Variants in MMP28 observed in about 807,000 individuals in gnomAD.
MMP28 encodes matrix metallopeptidase 28, also known as matrix metalloproteinase-28.
In MMP28, 55 loss-of-function variants were observed where a neutral mutation model predicts 60.5. The ratio of observed to expected loss-of-function variants is 0.91; its 90% CI spans 0.73 to 1.14. MMP28 has a LOEUF of 1.14. MMP28 is among the 50% of genes most tolerant of loss of function. MMP28 has a pLI of 0.00. For missense variants in MMP28, 686 were observed against 738.3 expected, an observed-to-expected ratio of 0.93 and a Z score of 0.82; for synonymous variants, 318 against 312.5, an observed-to-expected ratio of 1.02 and a Z score of -0.18.
downstream of MMP28, chr17:35,764,480 G>T: frequency 6.4e-7 from 1 of 1,569,436 alleles, no homozygotes; most frequent in Non-Finnish European, 8.6e-7. Flanking sequence ...GACGACCGCC[G>T]CGCCGCGGGG....
chr17:35,793,616 T>C (rs1468125514), intron 1 of MMP28, among the ~76,000 whole-genome samples: 1 of 152,106 alleles, frequency 6.6e-6, no homozygotes. Flanking sequence ...AGCTGGGTGA[T>C]GGAAGGATGA....
In MMP28 at chr17:35,779,255, G is replaced by A. The variant is rs747185425; in HGVS notation, c.180C>T (p.Ser60=). ...VPKAPTSTRF[S]DAIRAFQWVS... is the part of the protein sequence containing the mutation. ...TCCCTCCACCCTACCTGATGGCATC[G>A]CTGAATCGAGTGGAGGTGGGAGCTT... is the stretch of plus-strand genomic sequence containing the variant. Residue 60 remains serine (S), a synonymous_variant, in exon 2 of 8, where the codon AGC becomes AGT. Transcript: ENST00000605424. 51 of 1,612,230 alleles carry A rather than the reference G, an allele frequency of 3.2e-5. No homozygotes were observed. Among genetic ancestry groups the A allele is most frequent in the African/African-American group, 1.3e-4 (10 of 74,878 alleles).
At chr17:35,760,767 A>G in intron 2 of MMP28, 1 of 708,296 alleles carries the variant, frequency 1.4e-6, no homozygotes, top group Non-Finnish European at 2.5e-6. Flanking sequence ...GTGCTTTGGG[A>G]GGCTCTGGAA....
rs1459724865 is a variant in MMP28, at chr17:35,766,342, C to T, written c.*158G>A. 2 of 1,418,754 alleles carry T rather than the reference C, an allele frequency of 1.4e-6. No homozygotes were observed. The highest frequency in any genetic ancestry group is 1.8e-6 in the Non-Finnish European group (2 of 1,089,198). The allele number at this position is 1,418,754 out of a possible 1,614,324, so 87.9% of individuals were successfully genotyped here. On this transcript the variant is annotated 3_prime_UTR_variant, in exon 8 of 8. Transcript: ENST00000605424. This position sits in a 1 kb window ranked among gnomAD's most constrained non-coding sequence, Gnocchi z 4.3. ...GGACAGACAAAGACAATGCTGCATT[C>T]TTCAAGGAACAAAGGCAGACAGACT...
In MMP28 at chr17:35,766,621, C is replaced by CGGAAGA; in HGVS notation, c.1436_1441dup (p.Phe480_Arg481insLeuPhe). ...GTCGAGGCGCCAGTAGCGGTCATCT[C>CGGAAGA]GGAAGAAGATGATGGAGCCATCGGG... On this transcript the variant is annotated inframe_insertion, in exon 8 of 8. Coordinates refer to ENST00000605424, the MANE Select transcript of MMP28 (RefSeq NM_024302.5). This position sits in a 1 kb window ranked among gnomAD's most constrained non-coding sequence, Gnocchi z 4.3. 1 of 1,612,702 alleles carries CGGAAGA rather than the reference C, an allele frequency of 6.2e-7. No homozygotes were observed. The highest frequency in any genetic ancestry group is 2.2e-5 in the East Asian group (1 of 44,872).
At chr17:35,771,749 ATAT>A in intron 4 of MMP28, among the ~76,000 whole-genome samples, 1 of 89,536 alleles carries the variant, frequency 1.1e-5, no homozygotes, top group Non-Finnish European at 2.1e-5. Flanking sequence ...ATATATATAT[ATAT>A]ATAAAATTGT....
At chr17:35,769,424 C>T (rs1314196335) in intron 5 of MMP28, among the ~76,000 whole-genome samples, 1 of 152,186 alleles carries the variant, frequency 6.6e-6, no homozygotes, top group African/African-American at 2.4e-5. Context: ...AGGGAAAATG[C>T]CCAAGAGCAT....
In MMP28 at chr17:35,768,381, T is replaced by C; in HGVS notation, c.851-2A>G. The C allele has an allele frequency of 2.5e-6, 4 of 1,595,038 alleles. No individual in the cohort carries two copies. Among genetic ancestry groups the C allele is most frequent in the Non-Finnish European group, 3.4e-6 (4 of 1,172,776 alleles). ...CCACTGAGCCCCCTAGGGGCTTCCCTTTGTGAGTAAGGAAATAAGAGAGAG... is the reference window on the plus strand; with the variant it reads ...CCACTGAGCCCCCTAGGGGCTTCCCCTTGTGAGTAAGGAAATAAGAGAGAG... On this transcript the variant is annotated splice_acceptor_variant, in intron 5 of 7. Coordinates refer to ENST00000605424, the MANE Select transcript of MMP28 (RefSeq NM_024302.5). LOFTEE classifies it high-confidence loss of function.
rs577597937 is a variant in MMP28 at position 35,776,318 on chromosome 17, C to T, written c.379+2570G>A. ...TCCCGAGTATCTGGGATTACAGGTG[C>T]GTGCCACCACACCAGGCTAATTACT... On this transcript the variant is annotated intron_variant, in intron 3 of 7. Coordinates refer to ENST00000605424, the MANE Select transcript of MMP28 (RefSeq NM_024302.5). Among the ~76,000 whole-genome samples, 52 of 151,844 alleles carry T rather than the reference C, an allele frequency of 3.4e-4. 1 individual carries two copies. Among genetic ancestry groups the T allele is most frequent in the African/African-American group, 1.2e-3 (48 of 41,402 alleles).
chr17:35,768,894 G>A (rs1394386191), intron 5 of MMP28, among the ~76,000 whole-genome samples: 1 of 152,194 alleles, frequency 6.6e-6, no homozygotes, highest in East Asian at 1.9e-4. Flanking sequence ...CCAACATCCT[G>A]GGACAGAGGA....
intron 6 of MMP28, 82 bp downstream of exon 6, chr17:35,768,145 TCCC>T: frequency 6.8e-7 from 1 of 1,478,746 alleles, no homozygotes; most frequent in East Asian, 2.3e-5. Flanking sequence ...TTACAGTCCA[TCCC>T]CCCAACTTGT....
downstream of MMP28, chr17:35,764,133 C>A: frequency 6.5e-7 from 1 of 1,549,518 alleles, no homozygotes; most frequent in Non-Finnish European, 8.7e-7. Flanking sequence ...GAGGACAGCG[C>A]GACGGAGGGC....
Position 35,768,375 on chromosome 17 carries a change from C to A in MMP28, c.855G>T (p.Lys285Asn), listed in dbSNP as rs761885135. The change falls in exon 6 of 8, where the codon AAG becomes AAT. Residue 285 changes from lysine to asparagine, a missense_variant. Lys to Asn is a moderately conservative substitution (Grantham distance 94). Coordinates refer to ENST00000605424, the MANE Select transcript of MMP28 (RefSeq NM_024302.5). Reference sequence around the variant, plus strand: ...GGACGGCCACTGAGCCCCCTAGGGGCTTCCCTTTGTGAGTAAGGAAATAAG... The same window carrying A: ...GGACGGCCACTGAGCCCCCTAGGGGATTCCCTTTGTGAGTAAGGAAATAAG... The part of the protein sequence containing the change: ...DVLAVQSLYG[K>N]PLGGSVAVQL... The A allele has an allele frequency of 6.2e-7, 1 of 1,600,062 alleles. No homozygotes were observed. The highest frequency in any genetic ancestry group is 1.1e-5 in the South Asian group (1 of 89,968).
chr17:35,782,170 G>C (rs2086525721), intron 1 of MMP28, among the ~76,000 whole-genome samples: 1 of 151,030 alleles, frequency 6.6e-6, no homozygotes, highest in Non-Finnish European at 1.5e-5. Context: ...TCCTGCCTCA[G>C]CCTCCCGAGT....
chr17:35,793,108 C>T (rs912028705), intron 1 of MMP28, among the ~76,000 whole-genome samples: 3 of 152,170 alleles, frequency 2.0e-5, no homozygotes, highest in African/African-American at 7.2e-5. Flanking sequence ...CATATAGAGA[C>T]ACGTACACAC....
chr17:35,778,757 C>CACCCACTCCTCCCGTGCCCTAGGGA, intron 3 of MMP28, 131 bp downstream of exon 3: 3 of 1,552,282 alleles, frequency 1.9e-6, no homozygotes. Context: ...AGGTCCTATT[C>CACCCACTCCTCCCGTGCCCTAGGGA]ACCCACTCCT....
intron 7 of MMP28, 120 bp downstream of exon 7, chr17:35,767,632 A>G (rs2085985470): frequency 1.7e-6 from 2 of 1,208,518 alleles, no homozygotes; most frequent in Non-Finnish European, 2.3e-6. Context: ...TTCAGATTGG[A>G]ATGGAGACTC....
chr17:35,764,039 G>A (rs1458183735), downstream of MMP28: 1 of 1,548,362 alleles, frequency 6.5e-7, no homozygotes, highest in Non-Finnish European at 8.7e-7. Context: ...GAAGGAAACG[G>A]AAGAGCTCCG....
At position 35,766,519 on chromosome 17, in the gene MMP28, G is replaced by T. The variant is rs760538429; in HGVS notation, c.1544C>A (p.Ser515Ter). The T allele has an allele frequency of 2.1e-5, 34 of 1,596,272 alleles. No individual in the cohort carries two copies. Among genetic ancestry groups the T allele is most frequent in the Non-Finnish European group, 2.6e-5 (31 of 1,170,656 alleles). ...LPWMGCWHANSGSALF is the reference protein window; with the variant it reads ...LPWMGCWHAN ...GTGCCTTCAGAACAGGGCGCTCCCC[G>T]AGTTGGCATGCCAGCAGCCCATCCA... The change falls in exon 8 of 8, where the codon TCG becomes TAG. Residue 515 changes from serine (S) to a stop codon, truncating the protein, a stop_gained. Transcript: ENST00000605424. LOFTEE classifies it high-confidence loss of function. This position sits in a 1 kb window ranked among gnomAD's most constrained non-coding sequence, Gnocchi z 4.3.
Sources: gnomAD v4.1 joint callset for allele counts (sites outside exome capture counted in the v4.1 genomes callset) on GRCh38, gnomAD v4.1.1 for gene constraint, Gnocchi (gnomAD v3.1) non-coding constraint, MANE v1.5 for transcripts, NCBI Gene and HGNC (gene_info 2026-07-23, HGNC 2026-07-21) for gene names.